OR11A1: variants seen among roughly 807,000 people sequenced by gnomAD.
OR11A1 encodes olfactory receptor family 11 subfamily A member 1.
For synonymous variants in OR11A1, 158 were observed against 152.2 expected (o/e 1.04, Z -0.28); for missense variants, 380 against 378.2 (o/e 1.00, Z -0.04).
chr6:29,445,191 G>A (rs2021078), intron 1 of OR11A1, among the ~76,000 whole-genome samples: 35,764 of 152,038 alleles, frequency 0.24, 4,263 homozygotes, highest in Non-Finnish European at 0.26. Flanking sequence ...ATTTTTAGTA[G>A]AGACGGGGTT....
rs1175910836 is a variant in OR11A1, at chr6:29,440,583, G to A, written c.-388-8596C>T. 10 of 1,613,938 alleles carry A rather than the reference G, an allele frequency of 6.2e-6. No individual in the cohort carries two copies. In the East Asian group the frequency reaches 8.9e-5, roughly 14 times the overall value. ...GCCTGTCCTGCAGCTGGTATGTGGAGACACCTCGCTTAATGAACTGCAGAT... is the reference window on the plus strand; with the variant it reads ...GCCTGTCCTGCAGCTGGTATGTGGAAACACCTCGCTTAATGAACTGCAGAT... On this transcript the variant is annotated intron_variant, in intron 1 of 4. Transcript: ENST00000377149.
rs531468327 is a variant in OR11A1, at chr6:29,427,536, C to T, written c.106G>A (p.Val36Ile). Residue 36 changes from valine to isoleucine, a missense_variant, in exon 5 of 5, where the codon GTC becomes ATC. Coordinates refer to ENST00000377149, the MANE Select transcript of OR11A1 (RefSeq NM_001394828.1). ...HFLFFIVFTA[V>I]YVFIIIGNML... The stretch of plus-strand genomic sequence containing the variant: ...TTCCCTATGATGATGAAGACATAGA[C>T]AGCAGTGAATACAATAAAAAACAAG... 4 of 1,613,000 alleles carry T rather than the reference C, an allele frequency of 2.5e-6. No individual in the cohort carries two copies. Among genetic ancestry groups the T allele is most frequent in the South Asian group, 1.1e-5 (1 of 91,078 alleles).
intron 1 of OR11A1, among the ~76,000 whole-genome samples, chr6:29,433,437 CCTT>C (rs1463427873): frequency 6.6e-6 from 1 of 152,170 alleles, no homozygotes; most frequent in African/African-American, 2.4e-5. Context: ...AGGTATTTGT[CCTT>C]CTGTGCCTGA....
chr6:29,429,028 G>T (rs2151362673), intron 3 of OR11A1, 68 bp from the exon 4 acceptor site: 2 of 380,350 alleles, frequency 5.3e-6, no homozygotes, highest in African/African-American at 2.2e-5. Flanking sequence ...AAAAAAAGCA[G>T]ATATCATATA....
At chr6:29,445,196 G>A (rs146648940) in intron 1 of OR11A1, among the ~76,000 whole-genome samples, 7 of 152,166 alleles carry the variant, frequency 4.6e-5, no homozygotes, top group South Asian at 2.1e-4. Flanking sequence ...TAGTAGAGAC[G>A]GGGTTTCACC....
intron 1 of OR11A1, among the ~76,000 whole-genome samples, chr6:29,435,022 C>T (rs1264173426): frequency 6.6e-6 from 1 of 152,158 alleles, no homozygotes; most frequent in Non-Finnish European, 1.5e-5. Context: ...TAATTCTCTG[C>T]ACTACATTTA....
chr6:29,426,488 A>G lies in OR11A1; in HGVS notation c.*206T>C, dbSNP rs912289045. ...CAGTAAACCCCCATGACACAAGTTT[A>G]CCTATGTAACAAACCTGCACATGTA... On this transcript the variant is annotated 3_prime_UTR_variant, in exon 5 of 5. Coordinates refer to ENST00000377149, the MANE Select transcript of OR11A1 (RefSeq NM_001394828.1). 7.3e-6 allele frequency: 4 copies of G among 550,566 alleles called. No homozygotes were observed. Among genetic ancestry groups the G allele is most frequent in the African/African-American group, 5.6e-5 (3 of 53,452 alleles). 34.1% of individuals were successfully genotyped at this position (550,566 alleles called of 1,614,324 possible).
In OR11A1 at chr6:29,425,927, A is replaced by C. The variant is rs16894885; in HGVS notation, c.*767T>G. On this transcript the variant is annotated 3_prime_UTR_variant, in exon 5 of 5. Transcript: ENST00000377149. ...GAATAGAATACAACTAAAAATTCCC[A>C]AAATAGAATAACAAATCATGTTTAG... 1.3e-5 allele frequency: 2 copies of C among 152,204 alleles called. No homozygotes were observed. Among genetic ancestry groups the C allele is most frequent in the Non-Finnish European group, 2.9e-5 (2 of 68,020 alleles). The allele number at this position is 152,204 out of a possible 1,614,324, so 9.4% of individuals were successfully genotyped here.
intron 4 of OR11A1, chr6:29,428,290 G>GGA (rs749413846): frequency 3.0e-4 from 298 of 985,222 alleles, no homozygotes; most frequent in Non-Finnish European, 3.5e-4. Flanking sequence ...AAGTCATTCA[G>GGA]GAGTTGGTAG....
At chr6:29,448,975 G>C (rs1482288064) in intron 1 of OR11A1, among the ~76,000 whole-genome samples, 2 of 151,978 alleles carry the variant, frequency 1.3e-5, no homozygotes, top group African/African-American at 4.8e-5. Flanking sequence ...TAATCAATAT[G>C]CCTTAAAACT....
chr6:29,436,800 T>C lies in OR11A1; in HGVS notation c.-388-4813A>G, dbSNP rs150514039. The stretch of plus-strand genomic sequence containing the variant: ...TTAAAACCCTGGCCTAGTTCAGTGC[T>C]CTGTCAGCTGTATCTTCAGTTCTGA... On this transcript the variant is annotated intron_variant, in intron 1 of 4. Coordinates refer to ENST00000377149, the MANE Select transcript of OR11A1 (RefSeq NM_001394828.1). Among the ~76,000 whole-genome samples the C allele has an allele frequency of 2.3e-3, 350 of 152,372 alleles. 4 individuals are homozygous for C. The highest frequency in any genetic ancestry group is 7.3e-3 in the African/African-American group (303 of 41,596).
At chr6:29,431,596 A>T (rs1165694842) in intron 2 of OR11A1, among the ~76,000 whole-genome samples, 1 of 152,220 alleles carries the variant, frequency 6.6e-6, no homozygotes, top group African/African-American at 2.4e-5. Flanking sequence ...AAAAGAGAAG[A>T]GAGAATTAAA....
intron 1 of OR11A1, among the ~76,000 whole-genome samples, chr6:29,437,018 C>T (rs1354454955): frequency 6.6e-6 from 1 of 151,780 alleles, no homozygotes; most frequent in Non-Finnish European, 1.5e-5. Flanking sequence ...GAATGCCGAT[C>T]ATTAAAAAGT....
intron 1 of OR11A1, chr6:29,440,113 T>A (rs1233977118): frequency 6.2e-6 from 10 of 1,613,286 alleles, no homozygotes; most frequent in Admixed American, 1.7e-5. Flanking sequence ...TTTCTCACTA[T>A]CTACCTGCTG....
At chr6:29,455,407 A>G (rs1785975197) in intron 1 of OR11A1, among the ~76,000 whole-genome samples, 1 of 152,238 alleles carries the variant, frequency 6.6e-6, no homozygotes, top group Non-Finnish European at 1.5e-5. Flanking sequence ...TCAATGACTT[A>G]GTTGTTGGAT....
chr6:29,441,766 C>A (rs1173125308), intron 1 of OR11A1, among the ~76,000 whole-genome samples: 1 of 152,128 alleles, frequency 6.6e-6, no homozygotes, highest in Non-Finnish European at 1.5e-5. Context: ...GTCCTGGTAT[C>A]TGTTGTTCCT....
At chr6:29,440,153 G>T in intron 1 of OR11A1, 1 of 1,613,516 alleles carries the variant, frequency 6.2e-7, no homozygotes, top group Non-Finnish European at 8.5e-7. Context: ...TCATTGTGGT[G>T]CTGGTCTCCA....
rs2151362479 is a variant in OR11A1, at chr6:29,428,907, T to C, written c.-92+6A>G. The C allele has an allele frequency of 1.0e-6, 1 of 962,988 alleles. No homozygotes were observed. The highest frequency in any genetic ancestry group is 1.2e-6 in the Non-Finnish European group (1 of 809,990). 59.7% of individuals were successfully genotyped at this position (962,988 alleles called of 1,614,324 possible). On this transcript the variant is annotated splice_donor_region_variant and intron_variant, in intron 4 of 4. Transcript: ENST00000377149. ...TTCTAAATATCTGAAAATGGCTCTG[T>C]CATACCTGCTGGAAGGTTTTCATAT... is the stretch of plus-strand genomic sequence containing the variant.
chr6:29,456,809 T>G (rs1394459657), intron 1 of OR11A1, among the ~76,000 whole-genome samples, 178 bp downstream of exon 1: 7 of 152,206 alleles, frequency 4.6e-5, no homozygotes, highest in Non-Finnish European at 7.3e-5. Flanking sequence ...GGCCAGCAAT[T>G]CAGAAGCAGC....
Sources: allele counts gnomAD v4.1 joint callset (sites outside exome capture counted in the v4.1 genomes callset), GRCh38; gene constraint gnomAD v4.1.1; transcripts MANE v1.5; gene names NCBI Gene and HGNC (gene_info 2026-07-23, HGNC 2026-07-21).